The following RAB27B variants were observed in gnomAD, a reference collection of about 807,000 sequenced individuals.
RAB27B encodes the protein RAB27B, member RAS oncogene family.
Under a neutral mutation model 24.6 loss-of-function variants are expected in RAB27B, and 15 were observed. The observed-to-expected ratio is 0.61, with a 90% CI of 0.41 to 0.94. The LOEUF is 0.94. RAB27B is among the 40% of genes least tolerant of loss of function. RAB27B has a pLI of 0.00. For synonymous variants in RAB27B, 105 were observed against 92.5 expected (o/e 1.14, Z -0.78); for missense variants, 261 against 266.8 (o/e 0.98, Z 0.15).
chr18:54,723,984 C>T (rs536410935), intron 2 of RAB27B, among the ~76,000 whole-genome samples: 12 of 152,038 alleles, frequency 7.9e-5, no homozygotes, highest in South Asian at 2.1e-4. Flanking sequence ...TGTTGGATGG[C>T]GCCAGAACCA....
At chr18:54,718,911 C>T (rs1196189296) in intron 2 of RAB27B, among the ~76,000 whole-genome samples, 1 of 152,058 alleles carries the variant, frequency 6.6e-6, no homozygotes, top group East Asian at 1.9e-4. Context: ...AAAGCCTTCC[C>T]AAACTGTTAG....
At chr18:54,821,729 A>G (rs1018800463) in intron 2 of RAB27B, among the ~76,000 whole-genome samples, 12 of 152,336 alleles carry the variant, frequency 7.9e-5, no homozygotes, top group African/African-American at 2.4e-4. Flanking sequence ...ATTCTTTGCT[A>G]TCATCAAACC....
At chr18:54,862,894 A>G (rs994429134) in intron 1 of RAB27B, among the ~76,000 whole-genome samples, 3 of 152,242 alleles carry the variant, frequency 2.0e-5, no homozygotes, top group Non-Finnish European at 2.9e-5. Context: ...ATTTCTATAA[A>G]TCATAAATTA....
rs181689963 is a variant in RAB27B, at chr18:54,816,192, G to T, written c.-19-61375G>T. ...TTGTCATGGCCAAAAAATATCAATT[G>T]TGCCAGCAAAAACACTAGTAGGTTG... On this transcript the variant is annotated intron_variant, in intron 2 of 4. Coordinates refer to the RAB27B transcript ENST00000586570. 3.5e-3 allele frequency among the ~76,000 whole-genome samples: 537 copies of T among 152,266 alleles called. 10 individuals carry two copies. Among genetic ancestry groups the T allele is most frequent in the Non-Finnish European group, 1.2e-3 (80 of 68,026 alleles).
In RAB27B at chr18:54,740,133, A is replaced by G. The variant is rs189319603; in HGVS notation, c.-20+21992A>G. Among the ~76,000 whole-genome samples the G allele has an allele frequency of 7.1e-4, 108 of 152,344 alleles. 1 individual carries two copies. The highest frequency in any genetic ancestry group is 3.4e-3 in the Middle Eastern group (1 of 294). ...TTGTTCATGGTCTGGTAACAAGTTC[A>G]TGGAGGAAGAATTCATCTCATGGCT... On this transcript the variant is annotated intron_variant, in intron 2 of 4. Coordinates refer to the RAB27B transcript ENST00000586570.
chr18:54,806,464 A>G (rs941638414), intron 2 of RAB27B, among the ~76,000 whole-genome samples: 2 of 148,038 alleles, frequency 1.4e-5, no homozygotes, highest in African/African-American at 4.9e-5. Flanking sequence ...ATATATTTAT[A>G]TATAATGATA....
At chr18:54,877,912 T>A (rs993702440) in intron 2 of RAB27B, among the ~76,000 whole-genome samples, 174 bp downstream of exon 2, 2 of 152,220 alleles carry the variant, frequency 1.3e-5, no homozygotes, top group Admixed American at 6.5e-5. Flanking sequence ...AATAACATTT[T>A]CCTAGAAAAG....
chr18:54,839,216 C>T (rs1179292537), intron 1 of RAB27B, among the ~76,000 whole-genome samples: 1 of 152,122 alleles, frequency 6.6e-6, no homozygotes, highest in Non-Finnish European at 1.5e-5. Context: ...CAAAAGCATA[C>T]ATTCATTGAA....
intron 2 of RAB27B, among the ~76,000 whole-genome samples, chr18:54,768,037 A>C (rs536753041): frequency 1.3e-5 from 2 of 152,168 alleles, no homozygotes; most frequent in East Asian, 3.8e-4. Flanking sequence ...GGGGAAAGCA[A>C]TAATTACAGT....
chr18:54,875,319 C>T (rs533576375), intron 1 of RAB27B, among the ~76,000 whole-genome samples: 1 of 152,204 alleles, frequency 6.6e-6, no homozygotes, highest in East Asian at 1.9e-4. Context: ...AGAGTGAGAT[C>T]CTGTCTTCTC....
At chr18:54,884,103 A>G (rs1435869465) in intron 3 of RAB27B, among the ~76,000 whole-genome samples, 1 of 152,160 alleles carries the variant, frequency 6.6e-6, no homozygotes, top group East Asian at 1.9e-4. Flanking sequence ...CTGTGTGTAT[A>G]AAGTGCTGTG....
chr18:54,814,053 T>A (rs1022502342), intron 2 of RAB27B, among the ~76,000 whole-genome samples: 1 of 152,196 alleles, frequency 6.6e-6, no homozygotes, highest in Admixed American at 6.5e-5. Context: ...TCATATGCAT[T>A]GTGCATCTAT....
At chr18:54,792,587 A>G (rs2145114136) in intron 2 of RAB27B, among the ~76,000 whole-genome samples, 1 of 152,322 alleles carries the variant, frequency 6.6e-6, no homozygotes, top group Non-Finnish European at 1.5e-5. Context: ...AATAAATTGA[A>G]TAGACCCTGG....
intron 2 of RAB27B, among the ~76,000 whole-genome samples, chr18:54,781,300 G>C (rs1337230260): frequency 6.6e-6 from 1 of 151,948 alleles, no homozygotes; most frequent in Non-Finnish European, 1.5e-5. Context: ...GGTTTTCTCT[G>C]ACAACTGGAA....
chr18:54,875,574 C>CA lies in RAB27B; in HGVS notation c.-19-1988dup, dbSNP rs552868986. On this transcript the variant is annotated intron_variant, in intron 1 of 5. Transcript: ENST00000262094. ...TTTTTTTGAGAACATCCATGGTCAG[C>CA]AAAAATCCATCCAGAGAGCTCTGCT... Among the ~76,000 whole-genome samples, 438 of 150,226 alleles carry CA rather than the reference C, an allele frequency of 2.9e-3. 3 individuals are homozygous for CA. Among genetic ancestry groups the CA allele is most frequent in the African/African-American group, 0.01 (424 of 40,756 alleles).
chr18:54,815,887 G>A (rs527530456), intron 2 of RAB27B, among the ~76,000 whole-genome samples: 1 of 152,054 alleles, frequency 6.6e-6, no homozygotes, highest in African/African-American at 2.4e-5. Flanking sequence ...GCCTCCCAAA[G>A]TGCTGGGATT....
chr18:54,785,499 C>T (rs1408737000), intron 2 of RAB27B, among the ~76,000 whole-genome samples: 2 of 150,460 alleles, frequency 1.3e-5, no homozygotes, highest in African/African-American at 4.9e-5. Flanking sequence ...CCTAACCACC[C>T]TTTTAAATAA....
intron 1 of RAB27B, among the ~76,000 whole-genome samples, chr18:54,837,946 A>G (rs1910959762): frequency 1.3e-5 from 2 of 152,092 alleles, no homozygotes; most frequent in Non-Finnish European, 2.9e-5. Context: ...GTGAAAAATG[A>G]CAAGTCGTGT....
intron 1 of RAB27B, among the ~76,000 whole-genome samples, chr18:54,875,726 C>T (rs1374556489): frequency 2.6e-5 from 4 of 152,008 alleles, no homozygotes; most frequent in Admixed American, 1.3e-4. Context: ...TAAAGTATAA[C>T]GTAAAGCAAT....
Sources: gnomAD v4.1 joint callset for allele counts (sites outside exome capture counted in the v4.1 genomes callset) on GRCh38, gnomAD v4.1.1 for gene constraint, MANE v1.5 for transcripts, NCBI Gene and HGNC (gene_info 2026-07-23, HGNC 2026-07-21) for gene names.